MEI4: variants seen among roughly 807,000 people sequenced by gnomAD.
The protein encoded by MEI4 is meiosis-specific protein MEI4.
Under a neutral mutation model 31.4 loss-of-function variants are expected in MEI4, and 27 were observed. The ratio of observed to expected loss-of-function variants is 0.86; its 90% CI spans 0.63 to 1.19. The LOEUF (loss-of-function observed/expected upper bound fraction) is 1.19, where lower values mean the gene tolerates loss of function less well. Ranked by LOEUF, MEI4 falls within the 50% of genes most tolerant of loss-of-function variation. The probability of loss-of-function intolerance (pLI) is 0.00; values close to 1 mark genes in which losing one functional copy is unlikely to be tolerated. For synonymous variants in MEI4, 122 were observed against 145.4 expected, an observed-to-expected ratio of 0.84 and a Z score of 1.16; for missense variants, 329 against 398.9, an observed-to-expected ratio of 0.82 and a Z score of 1.49.
intron 3 of MEI4, among the ~76,000 whole-genome samples, chr6:77,818,971 A>G (rs559396046): frequency 5.9e-5 from 9 of 152,240 alleles, no homozygotes; most frequent in South Asian, 2.1e-4. Context: ...CCTAGCTTCA[A>G]GTAATCCTCT....
intron 2 of MEI4, among the ~76,000 whole-genome samples, chr6:77,731,962 G>C (rs1767009398): frequency 6.8e-6 from 1 of 147,662 alleles, no homozygotes. Context: ...ATTTCTGAGG[G>C]CTCTGTTCTG....
intron 4 of MEI4, among the ~76,000 whole-genome samples, chr6:77,877,714 C>CTTT (rs1771376588): frequency 1.0e-5 from 1 of 99,874 alleles, no homozygotes; most frequent in East Asian, 2.8e-4. Context: ...AAGCAGTCAG[C>CTTT]CTTTTTTTTT....
intron 1 of MEI4, among the ~76,000 whole-genome samples, chr6:77,657,961 G>T (rs1452871769): frequency 6.6e-6 from 1 of 152,206 alleles, no homozygotes; most frequent in East Asian, 1.9e-4. Context: ...TCAGGTCCAT[G>T]TGGAGACACA....
At chr6:77,769,127 G>T (rs1768245845) in intron 3 of MEI4, among the ~76,000 whole-genome samples, 1 of 152,152 alleles carries the variant, frequency 6.6e-6, no homozygotes, top group Admixed American at 6.5e-5. Flanking sequence ...GTCTTGAATT[G>T]CCTACACCAC....
At chr6:77,830,702 G>A (rs1483266507) in intron 4 of MEI4, among the ~76,000 whole-genome samples, 1 of 151,932 alleles carries the variant, frequency 6.6e-6, no homozygotes, top group Non-Finnish European at 1.5e-5. Context: ...ATATCCATAT[G>A]CAAAAGAACA....
At chr6:77,818,999 G>A (rs1403390973) in intron 3 of MEI4, among the ~76,000 whole-genome samples, 4 of 152,034 alleles carry the variant, frequency 2.6e-5, no homozygotes, top group South Asian at 2.1e-4. Flanking sequence ...CCAAAGTTCC[G>A]GGATTATAGG....
At chr6:77,745,720 G>T (rs1046511573) in intron 2 of MEI4, among the ~76,000 whole-genome samples, 1 of 152,106 alleles carries the variant, frequency 6.6e-6, no homozygotes, top group Non-Finnish European at 1.5e-5. Context: ...ATACTGGGAA[G>T]TAAAGCACTC....
chr6:77,841,337 T>TAAA (rs1770359871), intron 4 of MEI4, among the ~76,000 whole-genome samples: 1 of 43,022 alleles, frequency 2.3e-5, no homozygotes, highest in Non-Finnish European at 3.8e-5. Context: ...ATATATATTT[T>TAAA]TTTTTTTTTT....
At chr6:77,920,632 C>T (rs1177883671) in intron 4 of MEI4, among the ~76,000 whole-genome samples, 2 of 151,846 alleles carry the variant, frequency 1.3e-5, no homozygotes, top group African/African-American at 4.8e-5. Flanking sequence ...TGCCCATATT[C>T]ATCAGAGGAA....
At chr6:77,871,466 G>A (rs1482850466) in intron 4 of MEI4, among the ~76,000 whole-genome samples, 1 of 152,066 alleles carries the variant, frequency 6.6e-6, no homozygotes, top group Non-Finnish European at 1.5e-5. Flanking sequence ...AATACCACAT[G>A]TTCTCATTTA....
At position 77,866,426 on chromosome 6, in the gene MEI4, T is replaced by C. The variant is rs571379746; in HGVS notation, c.900+37364T>C. On this transcript the variant is annotated intron_variant, in intron 4 of 4. Transcript: ENST00000684080. ...TGTACAAAAGTCACAAGCATTCTTA[T>C]ACACCAATAACAGACAAACAGCCGA... 8.9e-4 allele frequency among the ~76,000 whole-genome samples: 135 copies of C among 152,288 alleles called. 1 individual carries two copies. Among genetic ancestry groups the C allele is most frequent in the African/African-American group, 3.1e-3 (128 of 41,558 alleles).
At chr6:77,791,691 AAG>A (rs59676907) in intron 3 of MEI4, among the ~76,000 whole-genome samples, 13,409 of 151,068 alleles carry the variant, frequency 0.089, 826 homozygotes, top group East Asian at 0.29. Context: ...AAAAAAAAAA[AAG>A]AAATATCTGT....
intron 3 of MEI4, among the ~76,000 whole-genome samples, chr6:77,798,422 A>G (rs1285505098): frequency 6.6e-6 from 1 of 151,804 alleles, no homozygotes; most frequent in Non-Finnish European, 1.5e-5. Context: ...GAGATTGTCA[A>G]ATTGGTAAAA....
intron 1 of MEI4, among the ~76,000 whole-genome samples, chr6:77,655,076 C>T (rs1768368203): frequency 6.6e-6 from 1 of 152,224 alleles, no homozygotes; most frequent in Non-Finnish European, 1.5e-5. Context: ...CTCTGACAGG[C>T]CCCGGTGTGT....
rs1395246198 is a variant in MEI4, at chr6:77,820,515, C to G, written c.769-8416C>G. On this transcript the variant is annotated intron_variant, in intron 3 of 4. Coordinates refer to ENST00000684080, the MANE Select transcript of MEI4 (RefSeq NM_001322247.2). The surrounding 1 kb of genome is among the most constrained non-coding windows in gnomAD (Gnocchi z 4.5). ...CCCTGACCTCAGGCAATTCGCCTGC[C>G]TAGGCCTCCCAAATTGCTGGGATTA... Among the ~76,000 whole-genome samples, 2 of 152,180 alleles carry G rather than the reference C, an allele frequency of 1.3e-5. No individual in the cohort carries two copies. The highest frequency in any genetic ancestry group is 3.9e-4 in the East Asian group (2 of 5,190).
At chr6:77,919,258 C>T (rs1766642580) in intron 4 of MEI4, among the ~76,000 whole-genome samples, 1 of 152,056 alleles carries the variant, frequency 6.6e-6, no homozygotes, top group Non-Finnish European at 1.5e-5. Context: ...GTAAAGCTCT[C>T]CTCAGCATAT....
At chr6:77,770,494 CA>C (rs551799668) in intron 3 of MEI4, among the ~76,000 whole-genome samples, 1,587 of 148,212 alleles carry the variant, frequency 0.011, 28 homozygotes, top group African/African-American at 0.037. Context: ...TTATTCTTCA[CA>C]AAAAAAAAAT....
At chr6:77,772,943 A>G (rs1768352274) in intron 3 of MEI4, among the ~76,000 whole-genome samples, 1 of 151,648 alleles carries the variant, frequency 6.6e-6, no homozygotes, top group African/African-American at 2.4e-5. Flanking sequence ...AAGTAATGCC[A>G]TTTACAACAG....
At chr6:77,858,810 T>A (rs1352233314) in intron 4 of MEI4, among the ~76,000 whole-genome samples, 1 of 151,764 alleles carries the variant, frequency 6.6e-6, no homozygotes, top group East Asian at 2.0e-4. Flanking sequence ...TACTACAATT[T>A]TTTTTTTGTA....
Sources: gnomAD v4.1 joint callset for allele counts (sites outside exome capture counted in the v4.1 genomes callset) on GRCh38, gnomAD v4.1.1 for gene constraint, Gnocchi (gnomAD v3.1) non-coding constraint, MANE v1.5 for transcripts, NCBI Gene and HGNC (gene_info 2026-07-23, HGNC 2026-07-21) for gene names.